Variants in DAB1 observed in about 807,000 individuals in gnomAD.
The protein encoded by DAB1 is DAB adaptor protein 1.
A neutral mutation model predicts 64.6 loss-of-function variants in DAB1; 15 were observed. That is an observed-to-expected ratio of 0.23 (90% confidence interval 0.16 to 0.36). The LOEUF (loss-of-function observed/expected upper bound fraction) is 0.36. Among genes scored for constraint, DAB1 ranks in the 10% least tolerant of loss-of-function variants. The pLI is 1.00. For synonymous variants in DAB1, 235 were observed against 251.9 expected (o/e 0.93, Z 0.64); for missense variants, 596 against 706.7 (o/e 0.84, Z 1.78).
intron 5 of DAB1, among the ~76,000 whole-genome samples, chr1:58,012,880 G>A (rs139674860): frequency 9.2e-5 from 14 of 152,330 alleles, no homozygotes; most frequent in African/African-American, 2.9e-4. Context: ...AGGGAAGAGA[G>A]AGAGACTGTG....
At chr1:58,182,139 G>A (rs1656827318) in intron 4 of DAB1, among the ~76,000 whole-genome samples, 1 of 152,096 alleles carries the variant, frequency 6.6e-6, no homozygotes, top group East Asian at 1.9e-4. Flanking sequence ...CTAGTAGGAA[G>A]TCAGTTGTGA....
intron 1 of DAB1, among the ~76,000 whole-genome samples, chr1:57,856,091 G>T (rs1653740366): frequency 6.6e-6 from 1 of 152,164 alleles, no homozygotes; most frequent in Non-Finnish European, 1.5e-5. Flanking sequence ...CTACTGCCTG[G>T]GACTTATCAG....
Position 57,071,389 on chromosome 1 carries a change from G to A in DAB1, c.558+133C>T, listed in dbSNP as rs12754054. On this transcript the variant is annotated intron_variant, in intron 6 of 14. Transcript: ENST00000371236. ...TTTCTAATGGCTTGCTTTGGGTCCT[G>A]TAATTTACACAGGAATCTTTCATCT... is the stretch of plus-strand genomic sequence containing the variant. 0.24 allele frequency: 261,058 copies of A among 1,103,432 alleles called. 34,530 individuals are homozygous for A. The highest frequency in any genetic ancestry group is 0.29 in the Middle Eastern group (1,393 of 4,748). The allele number at this position is 1,103,432 out of a possible 1,614,324, so 68.4% of individuals were successfully genotyped here.
At chr1:57,615,027 G>A (rs1297431927) in intron 7 of DAB1, among the ~76,000 whole-genome samples, 33 of 151,610 alleles carry the variant, frequency 2.2e-4, no homozygotes, top group African/African-American at 4.8e-5. Context: ...CCACCACCGC[G>A]CCTGGCTAAT....
chr1:58,203,533 T>C (rs1018218747), intron 4 of DAB1, among the ~76,000 whole-genome samples: 2 of 152,218 alleles, frequency 1.3e-5, no homozygotes, highest in African/African-American at 4.8e-5. Context: ...TCTCCTTCTT[T>C]CTGTCATAGT....
chr1:57,165,133 G>A lies in DAB1; in HGVS notation c.68-19704C>T, dbSNP rs866108033. ...TTTCATCCCCAGACCTCAAATTGCC[G>A]CATTTTGTAGTTCATTCCCCAACAT... On this transcript the variant is annotated intron_variant, in intron 2 of 14. Transcript: ENST00000371236. 7.2e-5 allele frequency among the ~76,000 whole-genome samples: 11 copies of A among 152,076 alleles called. 1 individual carries two copies. In the Middle Eastern group the frequency reaches 0.014, roughly 188 times the overall value.
intron 7 of DAB1, among the ~76,000 whole-genome samples, chr1:57,531,330 C>T (rs1021529352): frequency 1.3e-5 from 2 of 152,116 alleles, no homozygotes; most frequent in Non-Finnish European, 2.9e-5. Context: ...TTGTAATTTT[C>T]CACTACCCAC....
chr1:57,188,466 A>T (rs1663816255), intron 2 of DAB1, among the ~76,000 whole-genome samples: 1 of 152,218 alleles, frequency 6.6e-6, no homozygotes, highest in Non-Finnish European at 1.5e-5. Flanking sequence ...GAAAATAAGC[A>T]AGACCAGAAT....
At chr1:58,027,865 A>G (rs1201162020) in intron 5 of DAB1, among the ~76,000 whole-genome samples, 1 of 152,212 alleles carries the variant, frequency 6.6e-6, no homozygotes, top group African/African-American at 2.4e-5. Context: ...AGAAATAAGG[A>G]GCAAATGCAG....
intron 1 of DAB1, among the ~76,000 whole-genome samples, chr1:57,834,414 T>C (rs1272456309): frequency 6.6e-6 from 1 of 152,196 alleles, no homozygotes; most frequent in East Asian, 1.9e-4. Flanking sequence ...TGAGTAATTA[T>C]TGTGGAATAG....
intron 1 of DAB1, among the ~76,000 whole-genome samples, chr1:57,373,618 T>C (rs1439986451): frequency 6.6e-6 from 1 of 152,190 alleles, no homozygotes; most frequent in Non-Finnish European, 1.5e-5. Context: ...AAATTGCCCA[T>C]GCTCTACTTT....
chr1:57,718,349 G>A (rs1335199865), intron 6 of DAB1, among the ~76,000 whole-genome samples: 2 of 152,126 alleles, frequency 1.3e-5, no homozygotes, highest in Non-Finnish European at 2.9e-5. Flanking sequence ...GATGGTGGTG[G>A]TTGGGTTAAG....
At chr1:57,257,179 C>A (rs1223856612) in intron 2 of DAB1, among the ~76,000 whole-genome samples, 1 of 152,162 alleles carries the variant, frequency 6.6e-6, no homozygotes, top group African/African-American at 2.4e-5. Context: ...GAATTGCCTT[C>A]CCCAGCACAC....
At chr1:57,491,773 T>C (rs1191159811) in intron 7 of DAB1, among the ~76,000 whole-genome samples, 1 of 152,170 alleles carries the variant, frequency 6.6e-6, no homozygotes, top group African/African-American at 2.4e-5. Context: ...GTTTCCCACG[T>C]AGCATCACAT....
rs528055990 is a variant in DAB1, at chr1:58,427,495, A to T, written n.257+78565T>A. On this transcript the variant is annotated intron_variant and non_coding_transcript_variant, in intron 3 of 20. Transcript: ENST00000485760. The stretch of plus-strand genomic sequence containing the variant: ...AGATTATGGACTTAATTCAGGTGAG[A>T]GGTGCTGAAAGCTTAGTTCAGGGTG... Among the ~76,000 whole-genome samples, 3 of 152,266 alleles carry T rather than the reference A, an allele frequency of 2.0e-5. No homozygotes were observed. The South Asian group carries it at 6.2e-4, about 32-fold the overall frequency.
rs1570632749 is a variant in DAB1 at position 57,565,768 on chromosome 1, C to G, written n.625+83824G>C. On this transcript the variant is annotated intron_variant and non_coding_transcript_variant, in intron 7 of 20. Transcript: ENST00000485760. ...CACCCAATACAGGAGCACCCAGATT[C>G]ATAAAGCAGCTCCTTAGAGACCTAC... 2.0e-5 allele frequency among the ~76,000 whole-genome samples: 3 copies of G among 152,208 alleles called. 1 individual carries two copies. In the South Asian group the frequency reaches 6.2e-4, roughly 32 times the overall value.
chr1:58,165,536 G>A (rs1322954502), intron 4 of DAB1, among the ~76,000 whole-genome samples: 1 of 152,158 alleles, frequency 6.6e-6, no homozygotes, highest in Admixed American at 6.5e-5. Flanking sequence ...CTTCCCATAT[G>A]TAAGTAGATA....
At chr1:58,195,011 C>T (rs922312927) in intron 4 of DAB1, among the ~76,000 whole-genome samples, 3 of 152,092 alleles carry the variant, frequency 2.0e-5, no homozygotes, top group Non-Finnish European at 2.9e-5. Flanking sequence ...TCTAAGACAT[C>T]AGGAAGAATA....
At chr1:58,539,348 T>C (rs113244424) in intron 1 of DAB1, 2 of 754,856 alleles carry the variant, frequency 2.6e-6, no homozygotes, top group African/African-American at 3.5e-5. Flanking sequence ...CTGTGGAAAA[T>C]ATTTACTTAC....
Sources: allele counts gnomAD v4.1 joint callset (sites outside exome capture counted in the v4.1 genomes callset), GRCh38; gene constraint gnomAD v4.1.1; transcripts MANE v1.5; gene names NCBI Gene and HGNC (gene_info 2026-07-23, HGNC 2026-07-21).